Variants in IFT172 observed in about 807,000 individuals in gnomAD.
IFT172 encodes intraflagellar transport protein 172 homolog.
A neutral mutation model predicts 248.9 loss-of-function variants in IFT172; 164 were observed. The observed-to-expected ratio is 0.66, with a 90% CI of 0.58 to 0.75. The LOEUF is 0.75. Among genes scored for constraint, IFT172 ranks in the 30% least tolerant of loss-of-function variants. The pLI, the probability that IFT172 is intolerant of heterozygous loss-of-function variation, is 0.00. For missense variants in IFT172, 1,950 were observed against 2,192.4 expected, an observed-to-expected ratio of 0.89 and a Z score of 2.21; for synonymous variants, 729 against 791.6, an observed-to-expected ratio of 0.92 and a Z score of 1.33.
chr2:27,456,958 T>C (rs1390247455), intron 29 of IFT172, among the ~76,000 whole-genome samples: 2 of 151,790 alleles, frequency 1.3e-5, no homozygotes, highest in Admixed American at 1.3e-4. Context: ...GGCAGAAAAA[T>C]TGCTTGAACC....
chr2:27,449,565 G>A lies in IFT172; in HGVS notation c.4161-3C>T, dbSNP rs1307162952. ...GCTGGTCCACATAGTCTTCATACCTGTGAAGATGTTCAGAGAGCTCCATCT... is the reference window on the plus strand; with the variant it reads ...GCTGGTCCACATAGTCTTCATACCTATGAAGATGTTCAGAGAGCTCCATCT... On this transcript the variant is annotated splice_region_variant and splice_polypyrimidine_tract_variant and intron_variant, in intron 37 of 47. Coordinates refer to ENST00000260570, the MANE Select transcript of IFT172 (RefSeq NM_015662.3). 2 of 1,614,086 alleles carry A rather than the reference G, an allele frequency of 1.2e-6. No homozygotes were observed. The highest frequency in any genetic ancestry group is 1.7e-6 in the Non-Finnish European group (2 of 1,179,956).
chr2:27,481,912 C>T (rs758490655), intron 7 of IFT172, among the ~76,000 whole-genome samples: 1 of 151,928 alleles, frequency 6.6e-6, no homozygotes, highest in Non-Finnish European at 1.5e-5. Flanking sequence ...TAACCAACAC[C>T]GTCTGGGCCC....
chr2:27,459,427 T>C lies in IFT172; in HGVS notation c.2738A>G (p.Lys913Arg). Residue 913 changes from lysine to arginine, a missense_variant, in exon 25 of 48, where the codon AAA becomes AGA. Lys to Arg is a conservative substitution (Grantham distance 26). Around this residue, in one of 3 missense-constraint regions of IFT172, gnomAD observed 1,166 missense variants for 1,254.1 expected, o/e 0.93. Transcript: ENST00000260570. ...LDLQDRNTASKYYPLVAQHYA... is the reference protein window; with the variant it reads ...LDLQDRNTASRYYPLVAQHYA... ...GTGTTGGGCCACGAGAGGATAGTAT[T>C]TGGATGCAGTGTTCCGGTCCTGTAG... 1.2e-6 allele frequency: 2 copies of C among 1,614,210 alleles called. No individual in the cohort carries two copies. The highest frequency in any genetic ancestry group is 1.7e-6 in the Non-Finnish European group (2 of 1,180,042).
chr2:27,485,901 G>A (rs1483567496), intron 1 of IFT172, among the ~76,000 whole-genome samples: 1 of 152,202 alleles, frequency 6.6e-6, no homozygotes, highest in African/African-American at 2.4e-5. Context: ...GGCTGAGAGA[G>A]AGACAAAAAG....
chr2:27,462,969 AG>A, intron 19 of IFT172, 127 bp downstream of exon 19: 1 of 1,179,934 alleles, frequency 8.5e-7, no homozygotes, highest in South Asian at 1.3e-5. Flanking sequence ...GTCTGACTTG[AG>A]GGTAAAGGTG....
Position 27,459,800 on chromosome 2 carries a change from C to G in IFT172, c.2551G>C (p.Val851Leu). ...GCCTCCTCTAGTTTCACCACCTCCA[C>G]TGGGAAGGCCAATCGAGCCAGCTCT... ...AVELARLAFP[V>L]EVVKLEEAWG... The change falls in exon 24 of 48, where the codon GTG (valine) becomes CTG (leucine). Residue 851 changes from valine (V) to leucine (L), a missense_variant. Physicochemically the swap from Val to Leu is conservative, Grantham distance 32 (BLOSUM62 1). Coordinates refer to ENST00000260570, the MANE Select transcript of IFT172 (RefSeq NM_015662.3). 1 of 1,612,648 alleles carries G rather than the reference C, an allele frequency of 6.2e-7. No individual in the cohort carries two copies. The highest frequency in any genetic ancestry group is 8.5e-7 in the Non-Finnish European group (1 of 1,180,036).
chr2:27,479,532 A>G lies in IFT172; in HGVS notation c.982T>C (p.Leu328=), dbSNP rs1668204680. The G allele has an allele frequency of 1.9e-6, 3 of 1,611,824 alleles. No homozygotes were observed. The highest frequency in any genetic ancestry group is 2.5e-6 in the Non-Finnish European group (3 of 1,177,938). Residue 328 remains leucine, a synonymous_variant, in exon 10 of 48, where the codon TTG becomes CTG. Coordinates refer to ENST00000260570, the MANE Select transcript of IFT172 (RefSeq NM_015662.3). ...ACCTGGCTAGGTCCCACATACGTCA[A>G]CTCAAACTTGTTCTTGTAAATACTC... ...RRSIYKNKFE[L]TYVGPSQVIV...
At position 27,454,204 on chromosome 2, in the gene IFT172, T is replaced by C. The variant is rs1485824265; in HGVS notation, c.3531-42A>G. ...ACAGAGGAGAGACTGAGTATAGGAC[T>C]GAGGCCCCAATAGTGGGAGACAAAC... On this transcript the variant is annotated intron_variant, in intron 32 of 47. Transcript: ENST00000260570. The surrounding 1 kb of genome is among the most constrained non-coding windows in gnomAD (Gnocchi z 4.2). The C allele has an allele frequency of 1.2e-6, 2 of 1,603,946 alleles. No homozygotes were observed. The highest frequency in any genetic ancestry group is 2.7e-5 in the African/African-American group (2 of 74,792).
chr2:27,483,213 C>CA (rs1668511485), intron 7 of IFT172, 76 bp downstream of exon 7: 1 of 845,678 alleles, frequency 1.2e-6, no homozygotes, highest in Admixed American at 2.0e-5. Context: ...GACAGGGTTT[C>CA]ACTGTGTTGC....
At chr2:27,485,946 T>G (rs756740321) in intron 1 of IFT172, among the ~76,000 whole-genome samples, 3 of 152,196 alleles carry the variant, frequency 2.0e-5, no homozygotes, top group Admixed American at 1.3e-4. Flanking sequence ...TCTAATAAGA[T>G]GGTGCAAAAT....
At chr2:27,462,504 C>G (rs1249048386) in intron 20 of IFT172, among the ~76,000 whole-genome samples, 197 bp downstream of exon 20, 3 of 152,220 alleles carry the variant, frequency 2.0e-5, no homozygotes, top group Admixed American at 2.0e-4. Flanking sequence ...GGAAGTTTGT[C>G]TAGAAAAGTA....
chr2:27,455,761 C>T (rs1297101963), intron 30 of IFT172: 5 of 451,126 alleles, frequency 1.1e-5, no homozygotes, highest in Admixed American at 8.8e-5. Flanking sequence ...CCCATCCTGC[C>T]AGTTTGGTTT....
rs1666167816 is a variant in IFT172 at position 27,456,436 on chromosome 2, A to C, written c.3371+75T>G. ...CCTTCCAAGGATCTTTCTTTCAGTT[A>C]TACATCAATTTTCTTTCTCTAGATA... is the stretch of plus-strand genomic sequence containing the variant. On this transcript the variant is annotated intron_variant, in intron 30 of 47. Coordinates refer to ENST00000260570, the MANE Select transcript of IFT172 (RefSeq NM_015662.3). 7 of 1,528,270 alleles carry C rather than the reference A, an allele frequency of 4.6e-6. No individual in the cohort carries two copies. In the East Asian group the frequency reaches 1.6e-4, roughly 35 times the overall value. 94.7% of individuals were successfully genotyped at this position (1,528,270 alleles called of 1,614,324 possible).
At chr2:27,483,439 T>C in intron 6 of IFT172, 63 bp from the exon 7 acceptor site, 1 of 1,411,812 alleles carries the variant, frequency 7.1e-7, no homozygotes, top group African/African-American at 1.4e-5. Flanking sequence ...AGAAAGCCCC[T>C]TTCTCTGTCA....
chr2:27,453,160 G>T, intron 35 of IFT172: 1 of 689,148 alleles, frequency 1.5e-6, no homozygotes, highest in Non-Finnish European at 2.7e-6. Context: ...GCCATTTATT[G>T]GTCTAATTCC....
chr2:27,458,005 C>G (rs1247407557), intron 27 of IFT172, 29 bp from the exon 28 acceptor site: 2 of 1,613,986 alleles, frequency 1.2e-6, no homozygotes, highest in African/African-American at 2.7e-5. Context: ...CTGGGGCCTC[C>G]TAGACCCGAC....
chr2:27,458,485 G>A (rs1317331828), intron 26 of IFT172, among the ~76,000 whole-genome samples: 2 of 152,196 alleles, frequency 1.3e-5, no homozygotes, highest in African/African-American at 4.8e-5. Context: ...ACTCTGAAGT[G>A]TAGGCGCAAG....
chr2:27,444,846 A>C (rs1664901299), intron 47 of IFT172, among the ~76,000 whole-genome samples, 168 bp downstream of exon 47: 1 of 152,072 alleles, frequency 6.6e-6, no homozygotes, highest in Non-Finnish European at 1.5e-5. Flanking sequence ...CGAGGTTTTA[A>C]CCATGTTGGC....
rs142207229 is a variant in IFT172, at chr2:27,456,126, C to G, written c.3371+385G>C. On this transcript the variant is annotated intron_variant, in intron 30 of 47. Coordinates refer to ENST00000260570, the MANE Select transcript of IFT172 (RefSeq NM_015662.3). Reference sequence around the variant, plus strand: ...ACTCGGGAGGCTGAGGCAGGAGAATCATTTGAACCAGGAGGTGGAGGTTGC... The same window carrying G: ...ACTCGGGAGGCTGAGGCAGGAGAATGATTTGAACCAGGAGGTGGAGGTTGC... 2.1e-3 allele frequency among the ~76,000 whole-genome samples: 321 copies of G among 151,998 alleles called. 2 individuals carry two copies. The highest frequency in any genetic ancestry group is 3.3e-3 in the Non-Finnish European group (223 of 67,946).
Sources: allele counts gnomAD v4.1 joint callset (sites outside exome capture counted in the v4.1 genomes callset), GRCh38; gene constraint gnomAD v4.1.1; regional missense constraint gnomAD v4.1.1; non-coding constraint Gnocchi (gnomAD v3.1); transcripts MANE v1.5; gene names NCBI Gene and HGNC (gene_info 2026-07-23, HGNC 2026-07-21).